The following ABI3BP variants were observed in gnomAD, a reference collection of about 807,000 sequenced individuals.
ABI3BP encodes target of Nesh-SH3.
A neutral mutation model predicts 268.6 loss-of-function variants in ABI3BP; 216 were observed. The observed-to-expected ratio is 0.80, with a 90% confidence interval of 0.72 to 0.90. The LOEUF (loss-of-function observed/expected upper bound fraction) is 0.90, where lower values mean the gene tolerates loss of function less well. ABI3BP is among the 40% of genes least tolerant of loss of function. The pLI is 0.00. For synonymous variants in ABI3BP, 730 were observed against 730.0 expected, an observed-to-expected ratio of 1.00 and a Z score of 0.00; for missense variants, 2,090 against 2,182.4, an observed-to-expected ratio of 0.96 and a Z score of 0.84.
At chr3:100,895,156 A>G (rs2047085468) in intron 4 of ABI3BP, among the ~76,000 whole-genome samples, 2 of 151,704 alleles carry the variant, frequency 1.3e-5, no homozygotes, top group East Asian at 1.9e-4. Flanking sequence ...AAAACAGTTG[A>G]CTCTTCATCA....
At chr3:100,942,614 C>T (rs1397923106) in intron 1 of ABI3BP, among the ~76,000 whole-genome samples, 1 of 151,724 alleles carries the variant, frequency 6.6e-6, no homozygotes, top group Non-Finnish European at 1.5e-5. Context: ...ATTCTGTTGC[C>T]CTTTAAAGTA....
chr3:100,907,213 G>A (rs958124381), intron 2 of ABI3BP, among the ~76,000 whole-genome samples: 2 of 152,192 alleles, frequency 1.3e-5, no homozygotes, highest in Non-Finnish European at 2.9e-5. Context: ...TTGTAACAAA[G>A]GCCAGGCATG....
chr3:100,778,592 T>C, intron 58 of ABI3BP: 2 of 540,692 alleles, frequency 3.7e-6, no homozygotes. Flanking sequence ...CACTGTAGTA[T>C]ATAGAAAACA....
At chr3:100,866,801 A>G in intron 10 of ABI3BP, 78 bp downstream of exon 10, 1 of 1,218,242 alleles carries the variant, frequency 8.2e-7, no homozygotes, top group Non-Finnish European at 1.2e-6. Context: ...CTCTTTACTG[A>G]AAAAAAGACT....
intron 63 of ABI3BP, among the ~76,000 whole-genome samples, chr3:100,756,553 C>T (rs1318178854): frequency 6.6e-6 from 1 of 152,098 alleles, no homozygotes; most frequent in Non-Finnish European, 1.5e-5. Flanking sequence ...AACAAAAAAG[C>T]CCATAGAACT....
chr3:100,866,777 G>T, intron 10 of ABI3BP, 102 bp downstream of exon 10: 3 of 956,458 alleles, frequency 3.1e-6, no homozygotes, highest in Non-Finnish European at 4.7e-6. Flanking sequence ...TGATCAAAAT[G>T]TATTTCCTAC....
chr3:100,834,818 C>T (rs890166625), intron 28 of ABI3BP, 45 bp from the exon 29 acceptor site: 24 of 1,502,810 alleles, frequency 1.6e-5, no homozygotes, highest in Non-Finnish European at 2.1e-5. Context: ...ACTCCAGAAA[C>T]CAAAGAAAGG....
chr3:100,753,636 T>C (rs1365848943), intron 65 of ABI3BP, among the ~76,000 whole-genome samples, 183 bp downstream of exon 65: 1 of 152,194 alleles, frequency 6.6e-6, no homozygotes, highest in Non-Finnish European at 1.5e-5. Context: ...ATGTCCAACT[T>C]GTTCCCAGAA....
At chr3:100,885,121 A>C (rs910121624) in intron 6 of ABI3BP, among the ~76,000 whole-genome samples, 2 of 152,132 alleles carry the variant, frequency 1.3e-5, no homozygotes, top group Non-Finnish European at 2.9e-5. Flanking sequence ...TGGTTGCTCC[A>C]TTGTTGTGAA....
intron 53 of ABI3BP, 120 bp downstream of exon 53, chr3:100,795,684 G>A: frequency 2.5e-6 from 2 of 815,334 alleles, no homozygotes; most frequent in South Asian, 3.6e-5. Flanking sequence ...TAATAATAAT[G>A]AGAATGAAAT....
At chr3:100,878,499 G>A (rs1033002099) in intron 6 of ABI3BP, among the ~76,000 whole-genome samples, 1 of 152,158 alleles carries the variant, frequency 6.6e-6, no homozygotes, top group Non-Finnish European at 1.5e-5. Flanking sequence ...ATACACTATT[G>A]ATAACTAGAG....
At chr3:100,885,307 G>A (rs2041460581) in intron 6 of ABI3BP, among the ~76,000 whole-genome samples, 1 of 151,994 alleles carries the variant, frequency 6.6e-6, no homozygotes, top group South Asian at 2.1e-4. Context: ...ATTAGAATAA[G>A]CTACATTGAA....
chr3:100,942,510 T>C (rs1023212419), intron 1 of ABI3BP, among the ~76,000 whole-genome samples: 2 of 152,140 alleles, frequency 1.3e-5, no homozygotes, highest in African/African-American at 4.8e-5. Context: ...CATAGAAAAG[T>C]AACCCGATAG....
chr3:100,885,195 A>G (rs971149061), intron 6 of ABI3BP, among the ~76,000 whole-genome samples: 2 of 152,088 alleles, frequency 1.3e-5, no homozygotes, highest in Admixed American at 1.3e-4. Flanking sequence ...AGCTGTAGCA[A>G]TGTACATAAA....
chr3:100,843,825 T>C, intron 20 of ABI3BP: 1 of 985,286 alleles, frequency 1.0e-6, no homozygotes, highest in African/African-American at 1.7e-5. Flanking sequence ...TTCATGTTTT[T>C]GATTCTACAA....
chr3:100,886,227 G>T lies in ABI3BP; in HGVS notation c.558C>A (p.Pro186=). The change falls in exon 5 of 68, where the codon CCC becomes CCA. Residue 186 remains proline, a synonymous_variant. Coordinates refer to ENST00000471714, the MANE Select transcript of ABI3BP (RefSeq NM_001375547.2). ...ATETIVENLK[P]NTVYEFGVKD... is the part of the protein sequence containing the mutation. The stretch of plus-strand genomic sequence containing the variant: ...TCACTCCAAATTCATAAACTGTGTT[G>T]GGCTTTAGGTTTTCCACAATTGTTT... The T allele has an allele frequency of 3.7e-6, 6 of 1,610,966 alleles. No homozygotes were observed. The highest frequency in any genetic ancestry group is 5.1e-6 in the Non-Finnish European group (6 of 1,178,240).
In ABI3BP at chr3:100,886,737, A is replaced by G. The variant is rs150026211; in HGVS notation, c.462-414T>C. Among the ~76,000 whole-genome samples the G allele has an allele frequency of 3.3e-3, 509 of 152,088 alleles. 4 individuals are homozygous for G. The highest frequency in any genetic ancestry group is 0.012 in the African/African-American group (484 of 41,536). On this transcript the variant is annotated intron_variant, in intron 4 of 67. Transcript: ENST00000471714. ...TAGTTGTATGAGTTTAAGCTTTTTC[A>G]TCCATGAAGGATATGTTAGAGGTAA...
At chr3:100,961,603 C>T (rs1197352430) in intron 1 of ABI3BP, among the ~76,000 whole-genome samples, 1 of 152,166 alleles carries the variant, frequency 6.6e-6, no homozygotes, top group East Asian at 1.9e-4. Context: ...ATTACTGCTA[C>T]TATGATGCAA....
chr3:100,785,242 C>T (rs148335923), intron 57 of ABI3BP, among the ~76,000 whole-genome samples: 1 of 152,112 alleles, frequency 6.6e-6, no homozygotes, highest in African/African-American at 2.4e-5. Flanking sequence ...GAACATGAAA[C>T]CATTTAACAC....
Sources: allele counts gnomAD v4.1 joint callset (sites outside exome capture counted in the v4.1 genomes callset), GRCh38; gene constraint gnomAD v4.1.1; transcripts MANE v1.5; gene names NCBI Gene and HGNC (gene_info 2026-07-23, HGNC 2026-07-21).